EIF3H: variants seen among roughly 807,000 people sequenced by gnomAD.
EIF3H encodes the protein eIF-3-gamma.
Under a neutral mutation model 44.2 loss-of-function variants are expected in EIF3H, and 26 were observed. The observed-to-expected ratio is 0.59, with a 90% CI of 0.43 to 0.82. EIF3H has a LOEUF of 0.82. Ranked by LOEUF, EIF3H falls within the 40% of genes least tolerant of loss-of-function variation. The pLI is 0.00. For missense variants in EIF3H, 359 were observed against 432.8 expected (o/e 0.83, Z 1.51); for synonymous variants, 166 against 151.9 (o/e 1.09, Z -0.68).
intron 2 of EIF3H, among the ~76,000 whole-genome samples, chr8:116,694,067 A>T (rs1814225055): frequency 6.6e-6 from 1 of 152,180 alleles, no homozygotes; most frequent in South Asian, 2.1e-4. Flanking sequence ...TATGTATATC[A>T]CTTTACATAT....
At chr8:116,734,330 G>A (rs796404916) in intron 1 of EIF3H, 2 of 456,028 alleles carry the variant, frequency 4.4e-6, no homozygotes, top group South Asian at 3.1e-5. Flanking sequence ...GAGAACTGAA[G>A]AACAAGCCAT....
intron 1 of EIF3H, among the ~76,000 whole-genome samples, chr8:116,750,987 C>A (rs894108980): frequency 6.6e-6 from 1 of 151,058 alleles, no homozygotes; most frequent in African/African-American, 2.4e-5. Context: ...CCGAGGCGGG[C>A]GGATCACGAG....
chr8:116,651,592 G>A (rs1029669231), intron 5 of EIF3H, among the ~76,000 whole-genome samples: 1 of 152,144 alleles, frequency 6.6e-6, no homozygotes, highest in African/African-American at 2.4e-5. Flanking sequence ...CAGTAACATG[G>A]TCTGATGACT....
At chr8:116,742,085 G>GA (rs577454934) in intron 1 of EIF3H, among the ~76,000 whole-genome samples, 299 of 133,362 alleles carry the variant, frequency 2.2e-3, no homozygotes, top group African/African-American at 5.1e-3. Flanking sequence ...ACTTCAATAG[G>GA]AAAAAAAAAA....
chr8:116,710,492 G>C (rs961900629), intron 2 of EIF3H, among the ~76,000 whole-genome samples: 1 of 152,104 alleles, frequency 6.6e-6, no homozygotes, highest in African/African-American at 2.4e-5. Context: ...ATTTTCTGTT[G>C]ACCTTCATTT....
At chr8:116,650,613 T>G (rs1354602572) in intron 5 of EIF3H, among the ~76,000 whole-genome samples, 3 of 152,206 alleles carry the variant, frequency 2.0e-5, no homozygotes, top group African/African-American at 7.2e-5. Flanking sequence ...GGATGAACCT[T>G]GAAAACATTT....
intron 2 of EIF3H, among the ~76,000 whole-genome samples, chr8:116,703,077 A>T (rs1814405962): frequency 6.6e-6 from 1 of 152,248 alleles, no homozygotes. Context: ...ATAATAAAGA[A>T]GATACTTAAA....
intron 1 of EIF3H, among the ~76,000 whole-genome samples, chr8:116,752,728 GAAA>G (rs1563663030): frequency 2.2e-4 from 25 of 115,546 alleles, no homozygotes; most frequent in East Asian, 9.8e-4. Flanking sequence ...AAGAAAGAAA[GAAA>G]GAAGAGAAAG....
intron 6 of EIF3H, 128 bp downstream of exon 6, chr8:116,648,678 A>T: frequency 8.9e-7 from 1 of 1,127,774 alleles, no homozygotes; most frequent in South Asian, 3.1e-5. Context: ...ATAATCTTTT[A>T]AAAATATAAT....
intron 2 of EIF3H, among the ~76,000 whole-genome samples, chr8:116,674,447 G>C (rs1244867556): frequency 6.6e-6 from 1 of 151,992 alleles, no homozygotes; most frequent in Non-Finnish European, 1.5e-5. Context: ...TCTATCATAC[G>C]CATTCTATCC....
chr8:116,704,682 A>C (rs1814437738), intron 2 of EIF3H, among the ~76,000 whole-genome samples: 1 of 152,244 alleles, frequency 6.6e-6, no homozygotes, highest in African/African-American at 2.4e-5. Context: ...ACAACTGCAT[A>C]AAAGGGAAAA....
At chr8:116,723,996 C>A (rs1311846059) in intron 2 of EIF3H, among the ~76,000 whole-genome samples, 1 of 152,086 alleles carries the variant, frequency 6.6e-6, no homozygotes, top group Admixed American at 6.5e-5. Flanking sequence ...CTCAAAGGAC[C>A]CTGAATAGGC....
chr8:116,675,001 T>C (rs540289696), intron 2 of EIF3H, among the ~76,000 whole-genome samples: 1 of 152,348 alleles, frequency 6.6e-6, no homozygotes, highest in Admixed American at 6.5e-5. Flanking sequence ...TTGGAACTCT[T>C]GTCCATCTTT....
At chr8:116,755,864 A>G (rs1483189517), upstream of EIF3H, 4 of 1,595,814 alleles carry the variant, frequency 2.5e-6, no homozygotes, top group Non-Finnish European at 3.4e-6. Flanking sequence ...GTCTCGCGTG[A>G]CGTCACTCGC....
At chr8:116,739,637 G>C (rs543469562) in intron 1 of EIF3H, among the ~76,000 whole-genome samples, 1 of 152,332 alleles carries the variant, frequency 6.6e-6, no homozygotes, top group African/African-American at 2.4e-5. Context: ...GCAACAGAGC[G>C]AGACTCCGTC....
intron 1 of EIF3H, among the ~76,000 whole-genome samples, chr8:116,733,004 C>A (rs1814977600): frequency 6.6e-6 from 1 of 152,206 alleles, no homozygotes; most frequent in Admixed American, 6.5e-5. Flanking sequence ...GCCCTCACTT[C>A]AGATGCCAAT....
chr8:116,698,776 A>AT lies in EIF3H; in HGVS notation c.289+27239dup, dbSNP rs199694476. Among the ~76,000 whole-genome samples the AT allele has an allele frequency of 9.6e-3, 1,461 of 151,864 alleles. 8 individuals carry two copies. The highest frequency in any genetic ancestry group is 0.015 in the Non-Finnish European group (1,045 of 67,902). On this transcript the variant is annotated intron_variant, in intron 2 of 7. Coordinates refer to ENST00000521861, the MANE Select transcript of EIF3H (RefSeq NM_003756.3). ...CTACCAACTTTCATTGTTTAAGATG[A>AT]TTTTTTTTTCTACTGAGACATAAAT...
intron 2 of EIF3H, among the ~76,000 whole-genome samples, chr8:116,680,128 G>A (rs1224566696): frequency 1.7e-5 from 1 of 59,568 alleles, no homozygotes; most frequent in Non-Finnish European, 4.3e-5. Context: ...GGTGAGGGGC[G>A]CCTCTGCCCG....
At chr8:116,738,000 A>G (rs1815071160) in intron 1 of EIF3H, among the ~76,000 whole-genome samples, 1 of 144,890 alleles carries the variant, frequency 6.9e-6, no homozygotes. Context: ...GCACTATTGC[A>G]CTCCAGCCTG....
Sources: allele counts gnomAD v4.1 joint callset (sites outside exome capture counted in the v4.1 genomes callset), GRCh38; gene constraint gnomAD v4.1.1; transcripts MANE v1.5; gene names NCBI Gene and HGNC (gene_info 2026-07-23, HGNC 2026-07-21).